MYO7A: variants seen among roughly 807,000 people sequenced by gnomAD.
MYO7A encodes myosin VIIA, also known as unconventional myosin-VIIa.
MYO7A carries 210 observed loss-of-function variants against 263.8 expected under a neutral mutation model. That is an observed-to-expected ratio of 0.80 (90% CI 0.71 to 0.89). MYO7A has a LOEUF of 0.89. MYO7A is among the 40% of genes least tolerant of loss of function. The probability of loss-of-function intolerance (pLI) is 0.00; values close to 1 mark genes in which losing one functional copy is unlikely to be tolerated. For missense variants in MYO7A, 2,820 were observed against 2,968.3 expected (o/e 0.95, Z 1.16); for synonymous variants, 1,239 against 1,197.3 (o/e 1.03, Z -0.72).
At chr11:77,194,313 G>T in intron 31 of MYO7A, 41 bp from the exon 32 acceptor site, 2 of 1,588,650 alleles carry the variant, frequency 1.3e-6, no homozygotes, top group Non-Finnish European at 8.6e-7. Flanking sequence ...CTTCCTGGAG[G>T]GGCCTGGGCC....
chr11:77,135,003 T>C (rs1950870263), intron 2 of MYO7A, among the ~76,000 whole-genome samples: 1 of 152,180 alleles, frequency 6.6e-6, no homozygotes, highest in African/African-American at 2.4e-5. Flanking sequence ...CAGGCTGGTC[T>C]TGAACCCCTG....
At chr11:77,210,852 A>G (rs766332442) in intron 44 of MYO7A, 2 of 296,168 alleles carry the variant, frequency 6.8e-6, no homozygotes, top group Non-Finnish European at 1.3e-5. Context: ...GGTCACTCTG[A>G]GTTTCTTCAT....
chr11:77,208,400 C>A, intron 42 of MYO7A, 30 bp from the exon 43 acceptor site: 1 of 1,549,098 alleles, frequency 6.5e-7, no homozygotes, highest in Non-Finnish European at 8.9e-7. Context: ...GTTGCTTAAA[C>A]TGAGTGTGCT....
At chr11:77,202,948 C>G in intron 37 of MYO7A, 112 bp from the exon 38 acceptor site, 1 of 1,364,772 alleles carries the variant, frequency 7.3e-7, no homozygotes, top group South Asian at 1.4e-5. Context: ...CTGGTGCCCA[C>G]TCTCAGCCTC....
chr11:77,206,719 C>T (rs1165114673), intron 41 of MYO7A, among the ~76,000 whole-genome samples: 2 of 152,204 alleles, frequency 1.3e-5, no homozygotes, highest in African/African-American at 4.8e-5. Context: ...CCAGCCCCTG[C>T]CTGTCTCAAC....
intron 3 of MYO7A, among the ~76,000 whole-genome samples, chr11:77,143,922 G>T (rs1191764382): frequency 2.0e-5 from 3 of 152,166 alleles, no homozygotes; most frequent in Non-Finnish European, 4.4e-5. Flanking sequence ...CAGCCCTCAG[G>T]TGCATCCCCT....
At chr11:77,153,146 G>C (rs1555058184) in intron 4 of MYO7A, among the ~76,000 whole-genome samples, 2 of 152,148 alleles carry the variant, frequency 1.3e-5, no homozygotes, top group Non-Finnish European at 2.9e-5. Flanking sequence ...GGGGGGTTGA[G>C]TATGGAAGCC....
chr11:77,173,280 GTTC>G (rs1190807953), intron 16 of MYO7A, among the ~76,000 whole-genome samples: 7 of 152,250 alleles, frequency 4.6e-5, no homozygotes, highest in African/African-American at 1.7e-4. Flanking sequence ...GGCAGCTGTG[GTTC>G]TTGCTGGGGC....
intron 31 of MYO7A, among the ~76,000 whole-genome samples, chr11:77,192,884 A>G (rs1282566474): frequency 2.6e-4 from 1 of 3,892 alleles, no homozygotes; most frequent in Non-Finnish European, 4.1e-4. Flanking sequence ...GTGATGGTGG[A>G]GGAGGTAGTG....
Position 77,155,968 on chromosome 11 carries a change from C to A in MYO7A, c.347C>A (p.Pro116Gln). The change falls in exon 5 of 49, where the codon CCA becomes CAA. Residue 116 changes from proline to glutamine, a missense_variant. Pro to Gln is a moderately conservative substitution (Grantham distance 76, BLOSUM62 -1). Coordinates refer to ENST00000409709, the MANE Select transcript of MYO7A (RefSeq NM_000260.4). ...TACCAGCTGCTCTCCATCTACTCGC[C>A]AGAGCACATCCGCCAGTATACCAAC... ...NPYQLLSIYSPEHIRQYTNKK... is the reference protein window; with the variant it reads ...NPYQLLSIYSQEHIRQYTNKK... The A allele has an allele frequency of 6.2e-7, 1 of 1,613,178 alleles. No homozygotes were observed. The highest frequency in any genetic ancestry group is 8.5e-7 in the Non-Finnish European group (1 of 1,179,556).
chr11:77,180,326 C>T (rs370951837), intron 21 of MYO7A, 48 bp from the exon 22 acceptor site: 6 of 1,535,552 alleles, frequency 3.9e-6, no homozygotes, highest in Non-Finnish European at 5.4e-6. Context: ...ATCCCTGCAA[C>T]AACAGCTACA....
At chr11:77,173,368 T>C (rs1555077859) in intron 16 of MYO7A, among the ~76,000 whole-genome samples, 1 of 152,216 alleles carries the variant, frequency 6.6e-6, no homozygotes, top group African/African-American at 2.4e-5. Context: ...CCCCATCTCT[T>C]CAGCTGGTTG....
intron 2 of MYO7A, among the ~76,000 whole-genome samples, chr11:77,133,821 G>A (rs1322764516): frequency 2.0e-5 from 3 of 151,958 alleles, no homozygotes; most frequent in Non-Finnish European, 4.4e-5. Context: ...CCTCATTACT[G>A]CTCTTTTGTG....
At chr11:77,205,439 G>A in intron 39 of MYO7A, 23 bp from the exon 40 acceptor site, 3 of 1,550,500 alleles carry the variant, frequency 1.9e-6, no homozygotes, top group Non-Finnish European at 2.6e-6. Flanking sequence ...TGCCCCTGCT[G>A]GAGCCCACGC....
intron 47 of MYO7A, 96 bp downstream of exon 47, chr11:77,213,131 T>C (rs954257889): frequency 3.1e-6 from 3 of 966,482 alleles, no homozygotes; most frequent in East Asian, 2.6e-5. Flanking sequence ...CTAGCCACCA[T>C]CTATCTCTAG....
chr11:77,128,723 C>G (rs373228256), intron 1 of MYO7A, among the ~76,000 whole-genome samples: 3 of 152,176 alleles, frequency 2.0e-5, no homozygotes, highest in Non-Finnish European at 2.9e-5. Flanking sequence ...TGTTGTCCAT[C>G]GAATCTTCTC....
intron 4 of MYO7A, among the ~76,000 whole-genome samples, chr11:77,154,610 C>T (rs1017446546): frequency 1.1e-4 from 17 of 152,232 alleles, no homozygotes; most frequent in African/African-American, 3.4e-4. Flanking sequence ...TGGCTGCTCC[C>T]CTCCAGCCTC....
intron 15 of MYO7A, among the ~76,000 whole-genome samples, chr11:77,166,684 C>T (rs566616754): frequency 4.6e-5 from 7 of 152,304 alleles, no homozygotes; most frequent in African/African-American, 1.7e-4. Context: ...ATATTTTCCT[C>T]CTGTCCCATG....
chr11:77,143,422 A>G (rs1389605916), intron 3 of MYO7A, among the ~76,000 whole-genome samples: 2 of 152,238 alleles, frequency 1.3e-5, no homozygotes, highest in African/African-American at 4.8e-5. Flanking sequence ...TTGGTCTCAC[A>G]GATTAACCCT....
Sources: gnomAD v4.1 joint callset for allele counts (sites outside exome capture counted in the v4.1 genomes callset) on GRCh38, gnomAD v4.1.1 for gene constraint, MANE v1.5 for transcripts, NCBI Gene and HGNC (gene_info 2026-07-23, HGNC 2026-07-21) for gene names.